The following CSMD1 variants were observed in gnomAD, a reference collection of about 807,000 sequenced individuals.
The protein encoded by CSMD1 is CUB and sushi domain-containing protein 1.
In CSMD1, 213 loss-of-function variants were observed where a neutral mutation model predicts 417.5. The observed-to-expected ratio is 0.51, with a 90% CI of 0.46 to 0.57. CSMD1 has a LOEUF of 0.57. Among genes scored for constraint, CSMD1 ranks in the 20% least tolerant of loss-of-function variants. The pLI, the probability that CSMD1 is intolerant of heterozygous loss-of-function variation, is 0.00. For missense variants in CSMD1, 6,923 were observed against 4,529.7 expected (o/e 1.53, Z -15.17); for synonymous variants, 2,862 against 1,736.8 (o/e 1.65, Z -16.11).
At position 4,483,889 on chromosome 8, in the gene CSMD1, G is replaced by A. The variant is rs571804370; in HGVS notation, c.303-63824C>T. The stretch of plus-strand genomic sequence containing the variant: ...ACTTAGAGTAAGTCAAAAATGAACC[G>A]AAAGGGTTTGCTTATTCAGGCCAAG... On this transcript the variant is annotated intron_variant, in intron 2 of 69. Coordinates refer to ENST00000635120, the MANE Select transcript of CSMD1 (RefSeq NM_033225.6). 1.4e-4 allele frequency among the ~76,000 whole-genome samples: 21 copies of A among 152,202 alleles called. No homozygotes were observed. In the East Asian group the frequency reaches 2.9e-3, roughly 21 times the overall value.
intron 8 of CSMD1, among the ~76,000 whole-genome samples, chr8:3,589,669 A>T (rs1800761285): frequency 6.6e-6 from 1 of 152,110 alleles, no homozygotes. Context: ...AAATAAGCTC[A>T]GGAGATCTAC....
chr8:4,235,496 G>C (rs1801992981), intron 3 of CSMD1, among the ~76,000 whole-genome samples: 1 of 151,950 alleles, frequency 6.6e-6, no homozygotes, highest in Non-Finnish European at 1.5e-5. Context: ...ATGCTTTTTA[G>C]AAAACAAATC....
rs1585046394 is a variant in CSMD1, at chr8:4,419,853, C to T, written c.415+100G>A. 18 of 822,434 alleles carry T rather than the reference C, an allele frequency of 2.2e-5. No homozygotes were observed. In the East Asian group the frequency reaches 4.2e-4, roughly 19 times the overall value. The allele number at this position is 822,434 out of a possible 1,614,324, so 50.9% of individuals were successfully genotyped here. ...CCAAATGTCTACACCACGGAACGAC[C>T]TGCGACATAGCAGCCTAGTTTGTCA... On this transcript the variant is annotated intron_variant, in intron 3 of 69. Coordinates refer to ENST00000635120, the MANE Select transcript of CSMD1 (RefSeq NM_033225.6).
intron 5 of CSMD1, among the ~76,000 whole-genome samples, chr8:3,869,229 C>T (rs1183528980): frequency 6.6e-6 from 1 of 152,180 alleles, no homozygotes; most frequent in African/African-American, 2.4e-5. Flanking sequence ...CTCTGATGCT[C>T]TGCCTAGCAC....
intron 1 of CSMD1, among the ~76,000 whole-genome samples, chr8:4,859,009 C>A (rs1461224551): frequency 6.6e-6 from 1 of 151,014 alleles, no homozygotes. Context: ...TACCTGACTT[C>A]AAACTATACT....
chr8:4,402,188 T>G (rs1284467133), intron 3 of CSMD1, among the ~76,000 whole-genome samples: 1 of 152,132 alleles, frequency 6.6e-6, no homozygotes. Flanking sequence ...TTCTCCAAAA[T>G]TGCGACTTTC....
At chr8:4,231,301 G>C (rs752565290) in intron 3 of CSMD1, among the ~76,000 whole-genome samples, 6 of 152,178 alleles carry the variant, frequency 3.9e-5, no homozygotes, top group Admixed American at 3.3e-4. Context: ...AAGCGTGTGA[G>C]GCTCAGAGTC....
chr8:4,552,308 A>G (rs1292475213), intron 2 of CSMD1, among the ~76,000 whole-genome samples: 5 of 151,912 alleles, frequency 3.3e-5, no homozygotes, highest in African/African-American at 1.2e-4. Context: ...AACGTTATGC[A>G]TATCCCTACA....
intron 2 of CSMD1, among the ~76,000 whole-genome samples, chr8:4,589,642 A>C (rs1799887247): frequency 6.6e-6 from 1 of 152,208 alleles, no homozygotes; most frequent in South Asian, 2.1e-4. Context: ...ACTATTAGGC[A>C]AGTGTGTTTG....
At chr8:4,608,374 G>T (rs1216935824) in intron 2 of CSMD1, among the ~76,000 whole-genome samples, 1 of 152,198 alleles carries the variant, frequency 6.6e-6, no homozygotes, top group African/African-American at 2.4e-5. Flanking sequence ...GAACATGGTG[G>T]AGTGGCAGAG....
Position 4,722,215 on chromosome 8 carries a change from T to C in CSMD1, c.86-84657A>G, listed in dbSNP as rs746644805. On this transcript the variant is annotated intron_variant, in intron 1 of 69. Coordinates refer to ENST00000635120, the MANE Select transcript of CSMD1 (RefSeq NM_033225.6). ...GGGAGGTGATTAAATATATTAAATA[T>C]ATTGCTTTGCTTGAGTACACTTATT... Among the ~76,000 whole-genome samples, 71 of 152,160 alleles carry C rather than the reference T, an allele frequency of 4.7e-4. 1 individual carries two copies. The highest frequency in any genetic ancestry group is 4.2e-3 in the Admixed American group (64 of 15,264).
intron 2 of CSMD1, among the ~76,000 whole-genome samples, chr8:4,568,015 G>C (rs1378428442): frequency 1.3e-5 from 2 of 152,182 alleles, no homozygotes; most frequent in Non-Finnish European, 2.9e-5. Context: ...GGCTGGATCA[G>C]AGCCCATTCT....
chr8:3,133,042 G>A (rs568160868), intron 41 of CSMD1, among the ~76,000 whole-genome samples: 1 of 152,290 alleles, frequency 6.6e-6, no homozygotes, highest in South Asian at 2.1e-4. Context: ...CCTGTCCTAT[G>A]GATACACTGG....
At chr8:3,308,148 A>G (rs905169175) in intron 24 of CSMD1, among the ~76,000 whole-genome samples, 164 bp downstream of exon 24, 3 of 152,100 alleles carry the variant, frequency 2.0e-5, no homozygotes, top group African/African-American at 4.8e-5. Context: ...TCATAGCTGA[A>G]AACACACACT....
At chr8:3,841,367 A>C (rs556949153) in intron 5 of CSMD1, among the ~76,000 whole-genome samples, 1 of 152,150 alleles carries the variant, frequency 6.6e-6, no homozygotes, top group East Asian at 1.9e-4. Context: ...TGCTTTCGTT[A>C]TGTGGTTCTC....
At chr8:3,538,370 G>A (rs1466223062) in intron 10 of CSMD1, among the ~76,000 whole-genome samples, 9 of 152,074 alleles carry the variant, frequency 5.9e-5, no homozygotes, top group Non-Finnish European at 1.0e-4. Flanking sequence ...TGATGCACCT[G>A]GGATTCCACA....
At chr8:4,417,432 A>G (rs1470410740) in intron 3 of CSMD1, among the ~76,000 whole-genome samples, 1 of 151,998 alleles carries the variant, frequency 6.6e-6, no homozygotes, top group Non-Finnish European at 1.5e-5. Context: ...ACTTTGGAAG[A>G]TTCTTCTCCT....
rs187356332 is a variant in CSMD1, at chr8:3,795,438, A to G, written c.819-41396T>C. 2.1e-4 allele frequency among the ~76,000 whole-genome samples: 6 copies of G among 28,844 alleles called. 3 individuals carry two copies. The highest frequency in any genetic ancestry group is 3.9e-4 in the Non-Finnish European group (6 of 15,456). 18.9% of individuals were successfully genotyped at this position (28,844 alleles called of 152,430 possible). A position where few individuals can be genotyped will look rare whatever the true frequency, so the allele number is the denominator to read the frequency against. On this transcript the variant is annotated intron_variant, in intron 5 of 69. Coordinates refer to ENST00000635120, the MANE Select transcript of CSMD1 (RefSeq NM_033225.6). ...ATATATATCTATCATAGATATAGAT[A>G]TATATCTATCATAGATATAGATATA...
At chr8:3,273,050 A>G (rs1400488984) in intron 26 of CSMD1, among the ~76,000 whole-genome samples, 5 of 152,210 alleles carry the variant, frequency 3.3e-5, no homozygotes, top group African/African-American at 1.2e-4. Context: ...CCCATTCGGT[A>G]TGATATTGGC....
Sources: gnomAD v4.1 joint callset for allele counts (sites outside exome capture counted in the v4.1 genomes callset) on GRCh38, gnomAD v4.1.1 for gene constraint, MANE v1.5 for transcripts, NCBI Gene and HGNC (gene_info 2026-07-23, HGNC 2026-07-21) for gene names.